FBXO15: variants seen among roughly 807,000 people sequenced by gnomAD.
The protein encoded by FBXO15 is F-box only protein 15.
FBXO15 carries 30 observed loss-of-function variants against 49.5 expected under a neutral mutation model. That is an observed-to-expected ratio of 0.61 (90% confidence interval 0.45 to 0.82). The LOEUF is 0.82. Ranked by LOEUF, FBXO15 falls within the 40% of genes least tolerant of loss-of-function variation. The probability of loss-of-function intolerance (pLI) is 0.00; values close to 1 mark genes in which losing one functional copy is unlikely to be tolerated. For missense variants in FBXO15, 591 were observed against 631.5 expected (o/e 0.94, Z 0.69); for synonymous variants, 250 against 232.7 (o/e 1.07, Z -0.68).
chr18:74,078,849 A>T (rs1411146729), intron 9 of FBXO15, among the ~76,000 whole-genome samples: 1 of 151,960 alleles, frequency 6.6e-6, no homozygotes, highest in Admixed American at 6.6e-5. Flanking sequence ...AGAGTGCAGC[A>T]CTCGCACGTG....
chr18:74,147,806 A>G lies in FBXO15; in HGVS notation c.-21T>C, dbSNP rs1418064103. ...GCCATAGAGACAAGGAGTTCACCACAGGACCGCGCCAGGGCTGAAACGAAG... is the reference window on the plus strand; with the variant it reads ...GCCATAGAGACAAGGAGTTCACCACGGGACCGCGCCAGGGCTGAAACGAAG... On this transcript the variant is annotated 5_prime_UTR_variant, in exon 1 of 10. Transcript: ENST00000419743. 1 of 1,507,180 alleles carries G rather than the reference A, an allele frequency of 6.6e-7. No individual in the cohort carries two copies. Among genetic ancestry groups the G allele is most frequent in the South Asian group, 1.2e-5 (1 of 80,620 alleles). The allele number at this position is 1,507,180 out of a possible 1,614,324, so 93.4% of individuals were successfully genotyped here. A position where few individuals can be genotyped will look rare whatever the true frequency, so the allele number is the denominator to read the frequency against.
intron 8 of FBXO15, among the ~76,000 whole-genome samples, chr18:74,114,290 G>T (rs1168963111): frequency 6.6e-6 from 1 of 152,138 alleles, no homozygotes; most frequent in Non-Finnish European, 1.5e-5. Context: ...ATTCTTGGAG[G>T]AATTAAGAGC....
chr18:74,108,726 T>A (rs1489653589), intron 8 of FBXO15, among the ~76,000 whole-genome samples: 1 of 152,112 alleles, frequency 6.6e-6, no homozygotes, highest in Non-Finnish European at 1.5e-5. Flanking sequence ...CCAAACAGGA[T>A]AAATGCTCCC....
At chr18:74,094,930 T>G (rs544838543) in intron 8 of FBXO15, among the ~76,000 whole-genome samples, 46 of 152,396 alleles carry the variant, frequency 3.0e-4, no homozygotes, top group Non-Finnish European at 5.6e-4. Context: ...TAACTAGATC[T>G]TCCGGAGAAC....
chr18:74,124,015 G>C (rs1914588365), intron 7 of FBXO15, among the ~76,000 whole-genome samples: 1 of 151,876 alleles, frequency 6.6e-6, no homozygotes, highest in Non-Finnish European at 1.5e-5. Flanking sequence ...ATGAGTAAGG[G>C]AGTCTAAGTC....
At chr18:74,120,253 G>A (rs571878414) in intron 8 of FBXO15, among the ~76,000 whole-genome samples, 86 of 152,260 alleles carry the variant, frequency 5.6e-4, no homozygotes, top group African/African-American at 1.8e-3. Flanking sequence ...TGTCAGAGTT[G>A]GAGATCTCAA....
chr18:74,144,851 C>A (rs1368711364), intron 1 of FBXO15, among the ~76,000 whole-genome samples: 1 of 152,164 alleles, frequency 6.6e-6, no homozygotes, highest in Non-Finnish European at 1.5e-5. Context: ...GCTTAATCCA[C>A]CACCAAGTTC....
intron 8 of FBXO15, among the ~76,000 whole-genome samples, chr18:74,118,961 G>A (rs1300305066): frequency 6.6e-6 from 1 of 152,226 alleles, no homozygotes; most frequent in African/African-American, 2.4e-5. Context: ...AGGAATCAAG[G>A]CAGTGGTGGA....
At chr18:74,090,019 G>A (rs1169456849) in intron 8 of FBXO15, among the ~76,000 whole-genome samples, 1 of 152,164 alleles carries the variant, frequency 6.6e-6, no homozygotes, top group Non-Finnish European at 1.5e-5. Flanking sequence ...ACAGCTGGTA[G>A]AATTTGGCTG....
At chr18:74,138,710 T>C (rs1978877876) in intron 2 of FBXO15, among the ~76,000 whole-genome samples, 1 of 152,002 alleles carries the variant, frequency 6.6e-6, no homozygotes, top group Non-Finnish European at 1.5e-5. Flanking sequence ...CCAAAGTCAT[T>C]ATCATGGCCC....
chr18:74,108,517 A>G (rs960083835), intron 8 of FBXO15, among the ~76,000 whole-genome samples: 123 of 147,158 alleles, frequency 8.4e-4, no homozygotes, highest in African/African-American at 2.9e-3. Flanking sequence ...GAGAAAAAAA[A>G]AGACGGAAAA....
Position 74,123,464 on chromosome 18 carries a change from CG to C in FBXO15, c.1041del (p.Glu348SerfsTer40). ...AGTTGGTAGCCGTGCAGTCCATACT[CG>C]GGGCTATCATCCAAAAAGGGGCTAT... ...PPHSPFLDDS[P>X]EYGLHGYQLH... On this transcript the variant is annotated frameshift_variant, in exon 8 of 10. Coordinates refer to ENST00000419743, the MANE Select transcript of FBXO15 (RefSeq NM_001142958.2). LOFTEE classifies it high-confidence loss of function. 2 of 1,613,794 alleles carry C rather than the reference CG, an allele frequency of 1.2e-6. No homozygotes were observed. Among genetic ancestry groups the C allele is most frequent in the Non-Finnish European group, 1.7e-6 (2 of 1,179,888 alleles).
chr18:74,129,500 G>C lies in FBXO15; in HGVS notation c.690C>G (p.Gly230=). The C allele has an allele frequency of 1.2e-6, 2 of 1,613,450 alleles. No homozygotes were observed. Among genetic ancestry groups the C allele is most frequent in the South Asian group, 2.2e-5 (2 of 91,050 alleles). The part of the protein sequence containing the change: ...NDTSVTVIWY[G]KKWPCLASLS... ...ATGATGCTAGGCATGGCCATTTTTT[G>C]CCATACCATATAACAGTAACTGATG... Residue 230 remains glycine (G), a synonymous_variant, in exon 5 of 10, where the codon GGC becomes GGG. Coordinates refer to ENST00000419743, the MANE Select transcript of FBXO15 (RefSeq NM_001142958.2).
intron 8 of FBXO15, among the ~76,000 whole-genome samples, chr18:74,106,490 T>C (rs1323913014): frequency 6.6e-6 from 1 of 152,064 alleles, no homozygotes; most frequent in Non-Finnish European, 1.5e-5. Flanking sequence ...TGAACAACAA[T>C]AACAGCACCA....
At chr18:74,133,485 A>G (rs1296338438) in intron 3 of FBXO15, among the ~76,000 whole-genome samples, 1 of 152,184 alleles carries the variant, frequency 6.6e-6, no homozygotes, top group Non-Finnish European at 1.5e-5. Flanking sequence ...AACCCTCCAG[A>G]ATGCTAGTTT....
chr18:74,099,627 G>A (rs1450938851), intron 8 of FBXO15: 1 of 152,268 alleles, frequency 6.6e-6, no homozygotes, highest in East Asian at 1.9e-4. Context: ...CAGAATGGCA[G>A]AATAGATAAT....
At chr18:74,113,680 T>C (rs1311649436) in intron 8 of FBXO15, among the ~76,000 whole-genome samples, 1 of 152,258 alleles carries the variant, frequency 6.6e-6, no homozygotes, top group Admixed American at 6.5e-5. Flanking sequence ...GATTCTTTAG[T>C]ATTCCTCTTC....
At chr18:74,125,483 T>G (rs1469196153) in intron 6 of FBXO15, among the ~76,000 whole-genome samples, 1 of 152,204 alleles carries the variant, frequency 6.6e-6, no homozygotes, top group Non-Finnish European at 1.5e-5. Flanking sequence ...AGAAATCTTA[T>G]GCAGAGAGAA....
chr18:74,130,702 C>T, intron 3 of FBXO15, 44 bp from the exon 4 acceptor site: 1 of 1,575,670 alleles, frequency 6.3e-7, no homozygotes, highest in Non-Finnish European at 8.6e-7. Flanking sequence ...GACACTGTCA[C>T]CTACCTTAGT....
Sources: allele counts gnomAD v4.1 joint callset (sites outside exome capture counted in the v4.1 genomes callset), GRCh38; gene constraint gnomAD v4.1.1; transcripts MANE v1.5; gene names NCBI Gene and HGNC (gene_info 2026-07-23, HGNC 2026-07-21).